STUM: variants seen among roughly 807,000 people sequenced by gnomAD.
STUM encodes the protein stum, mechanosensory transduction mediator homolog.
In STUM, 8 loss-of-function variants were observed where a neutral mutation model predicts 15.3. The ratio of observed to expected loss-of-function variants is 0.52; its 90% CI spans 0.31 to 0.94. STUM has a LOEUF of 0.94. Among genes scored for constraint, STUM ranks in the 40% least tolerant of loss-of-function variants. STUM has a pLI of 0.05. For missense variants in STUM, 142 were observed against 204.9 expected (o/e 0.69, Z 1.87); for synonymous variants, 78 against 88.7 (o/e 0.88, Z 0.68).
At chr1:226,586,776 T>C (rs1668005001) in intron 1 of STUM, among the ~76,000 whole-genome samples, 1 of 152,166 alleles carries the variant, frequency 6.6e-6, no homozygotes, top group Admixed American at 6.5e-5. Flanking sequence ...CTATAACAAA[T>C]GTTGCCACCG....
chr1:226,594,033 A>G (rs577770512), intron 1 of STUM, among the ~76,000 whole-genome samples: 1 of 152,296 alleles, frequency 6.6e-6, no homozygotes, highest in South Asian at 2.1e-4. Context: ...GGCTGGAGGG[A>G]TGAAGGTGAA....
intron 1 of STUM, among the ~76,000 whole-genome samples, chr1:226,569,124 AC>A (rs1667667436): frequency 6.6e-6 from 1 of 151,722 alleles, no homozygotes; most frequent in Non-Finnish European, 1.5e-5. Flanking sequence ...TGGCTGTATG[AC>A]CTTAGGCAGG....
At chr1:226,563,904 A>G (rs1361563157) in intron 1 of STUM, among the ~76,000 whole-genome samples, 1 of 152,230 alleles carries the variant, frequency 6.6e-6, no homozygotes, top group Non-Finnish European at 1.5e-5. Flanking sequence ...TTACCATCTT[A>G]GGCCCAAATA....
At position 226,600,190 on chromosome 1, in the gene STUM, T is replaced by C. The variant is rs1240231768; in HGVS notation, c.383-476T>C. Among the ~76,000 whole-genome samples, 1 of 151,370 alleles carries C rather than the reference T, an allele frequency of 6.6e-6. No homozygotes were observed. Among genetic ancestry groups the C allele is most frequent in the Non-Finnish European group, 1.5e-5 (1 of 67,890 alleles). On this transcript the variant is annotated intron_variant, in intron 2 of 3. Coordinates refer to ENST00000366788, the MANE Select transcript of STUM (RefSeq NM_001003665.4). The surrounding 1 kb of genome is among the most constrained non-coding windows in gnomAD (Gnocchi z 5.2). Reference sequence around the variant, plus strand: ...TGGCTCATGCCTGTATCTCAGCATGTTGGGAGACTGAGGCAGGAGGATCAC... The same window carrying C: ...TGGCTCATGCCTGTATCTCAGCATGCTGGGAGACTGAGGCAGGAGGATCAC...
intron 1 of STUM, among the ~76,000 whole-genome samples, chr1:226,579,074 A>G (rs1012189849): frequency 6.6e-6 from 1 of 152,154 alleles, no homozygotes; most frequent in African/African-American, 2.4e-5. Flanking sequence ...CTTGACCTGT[A>G]TGGATGGTGG....
rs566698432 is a variant in STUM at position 226,605,374 on chromosome 1, T to C, written c.*3334T>C. 2.6e-5 allele frequency: 4 copies of C among 152,496 alleles called. No homozygotes were observed. Among genetic ancestry groups the C allele is most frequent in the East Asian group, 3.9e-4 (2 of 5,168 alleles). The allele number at this position is 152,496 out of a possible 1,614,324, so 9.4% of individuals were successfully genotyped here. A position where few individuals can be genotyped will look rare whatever the true frequency, so the allele number is the denominator to read the frequency against. On this transcript the variant is annotated 3_prime_UTR_variant, in exon 4 of 4. Transcript: ENST00000366788. The surrounding 1 kb of genome is among the most constrained non-coding windows in gnomAD (Gnocchi z 4.0). ...GCTCCTAAGTGGCAGGACAGGCAAG[T>C]GGCCAGGTTGGGCCGCCCCCACAGC...
intron 1 of STUM, among the ~76,000 whole-genome samples, chr1:226,576,939 C>T (rs184422543): frequency 2.7e-4 from 41 of 152,324 alleles, no homozygotes; most frequent in African/African-American, 9.4e-4. Context: ...GTAAATGCAA[C>T]CCTACTTTCT....
In STUM at chr1:226,578,009, T is replaced by C. The variant is rs1317870008; in HGVS notation, c.203-18793T>C. Among the ~76,000 whole-genome samples, 5 of 152,300 alleles carry C rather than the reference T, an allele frequency of 3.3e-5. No individual in the cohort carries two copies. In the South Asian group the frequency reaches 1.0e-3, roughly 32 times the overall value. ...CTTCCCTGACACGCAGCCTTACTTT[T>C]TCATTGTGATGAGATAGTATCATGA... On this transcript the variant is annotated intron_variant, in intron 1 of 3. Transcript: ENST00000366788.
chr1:226,550,590 T>G (rs1022921074), intron 1 of STUM, among the ~76,000 whole-genome samples: 3 of 149,742 alleles, frequency 2.0e-5, no homozygotes, highest in Non-Finnish European at 3.0e-5. Context: ...TGCATCTTGA[T>G]CCACCTTTTT....
At chr1:226,578,774 T>A (rs180952427) in intron 1 of STUM, among the ~76,000 whole-genome samples, 58 of 152,278 alleles carry the variant, frequency 3.8e-4, no homozygotes, top group African/African-American at 1.3e-3. Context: ...GCAGAGACAA[T>A]GAGTGCAGCT....
At chr1:226,585,977 A>C (rs938929098) in intron 1 of STUM, among the ~76,000 whole-genome samples, 1 of 100,674 alleles carries the variant, frequency 9.9e-6, no homozygotes, top group South Asian at 3.9e-4. Flanking sequence ...ATTTTCTCAC[A>C]TGGTGGGGAG....
intron 1 of STUM, among the ~76,000 whole-genome samples, chr1:226,580,779 T>C (rs1368438881): frequency 6.6e-6 from 1 of 152,212 alleles, no homozygotes; most frequent in Non-Finnish European, 1.5e-5. Context: ...AAGGGTTCTA[T>C]GTCTGGGTCA....
intron 1 of STUM, among the ~76,000 whole-genome samples, chr1:226,584,372 C>G (rs1448758566): frequency 6.6e-6 from 1 of 152,218 alleles, no homozygotes; most frequent in Non-Finnish European, 1.5e-5. Context: ...AAGGCCTGAG[C>G]CAGGAAACTG....
At position 226,602,248 on chromosome 1, in the gene STUM, A is replaced by G; in HGVS notation, c.*208A>G. 3 of 574,912 alleles carry G rather than the reference A, an allele frequency of 5.2e-6. No homozygotes were observed. The highest frequency in any genetic ancestry group is 9.3e-6 in the Non-Finnish European group (3 of 322,430). The allele number at this position is 574,912 out of a possible 1,614,324, so 35.6% of individuals were successfully genotyped here. On this transcript the variant is annotated 3_prime_UTR_variant, in exon 4 of 4. Transcript: ENST00000366788. Reference sequence around the variant, plus strand: ...GCTGCCAGCCCCTCCTGCTCTGGAAAGCACTGTGGGCGCAGGCACCAGAGC... The same window carrying G: ...GCTGCCAGCCCCTCCTGCTCTGGAAGGCACTGTGGGCGCAGGCACCAGAGC...
chr1:226,557,696 T>C (rs1667469327), intron 1 of STUM, among the ~76,000 whole-genome samples: 1 of 152,194 alleles, frequency 6.6e-6, no homozygotes, highest in Admixed American at 6.5e-5. Context: ...GAAGAGAAAA[T>C]TATAGGCCCA....
chr1:226,578,645 G>A (rs1481336732), intron 1 of STUM, among the ~76,000 whole-genome samples: 1 of 152,140 alleles, frequency 6.6e-6, no homozygotes, highest in Non-Finnish European at 1.5e-5. Context: ...TTACAGGCAT[G>A]AGCCACTGCA....
At chr1:226,581,272 G>A (rs1240747198) in intron 1 of STUM, among the ~76,000 whole-genome samples, 1 of 152,244 alleles carries the variant, frequency 6.6e-6, no homozygotes, top group African/African-American at 2.4e-5. Flanking sequence ...GAAGGGATTT[G>A]GGGGACAGCT....
At chr1:226,559,241 A>G (rs1039727478) in intron 1 of STUM, among the ~76,000 whole-genome samples, 13 of 152,168 alleles carry the variant, frequency 8.5e-5, no homozygotes, top group African/African-American at 2.9e-4. Context: ...GGCCAAGAGC[A>G]ATTTGCTGTT....
Position 226,548,996 on chromosome 1 carries a change from T to A in STUM, c.92T>A (p.Val31Glu). 1 of 1,541,038 alleles carries A rather than the reference T, an allele frequency of 6.5e-7. No homozygotes were observed. The highest frequency in any genetic ancestry group is 8.7e-7 in the Non-Finnish European group (1 of 1,147,508). Residue 31 changes from valine (V) to glutamate (E), a missense_variant, in exon 1 of 4, where the codon GTG (valine) becomes GAG (glutamate). Physicochemically the swap from Val to Glu is moderately radical, Grantham distance 121 (BLOSUM62 -2). Around this residue, in one of 2 missense-constraint regions of STUM, gnomAD observed 113 missense variants for 134.4 expected, o/e 0.84. Coordinates refer to ENST00000366788, the MANE Select transcript of STUM (RefSeq NM_001003665.4). ...DPRGASSSSG[V>E]VVQVREKKGP... is the part of the protein sequence containing the mutation. ...CGGGGGGCGTCCTCGTCCAGCGGGG[T>A]GGTGGTGCAGGTCCGCGAGAAGAAG...
Sources: allele counts gnomAD v4.1 joint callset (sites outside exome capture counted in the v4.1 genomes callset), GRCh38; gene constraint gnomAD v4.1.1; regional missense constraint gnomAD v4.1.1; non-coding constraint Gnocchi (gnomAD v3.1); transcripts MANE v1.5; gene names NCBI Gene and HGNC (gene_info 2026-07-23, HGNC 2026-07-21).